Variants in ESRP1 observed in about 807,000 individuals in gnomAD.
The protein encoded by ESRP1 is epithelial splicing regulatory protein 1, also known as RNA-binding motif protein 35A.
ESRP1 carries 33 observed loss-of-function variants against 81.7 expected under a neutral mutation model. The ratio of observed to expected loss-of-function variants is 0.40; its 90% CI spans 0.31 to 0.54. The LOEUF (loss-of-function observed/expected upper bound fraction) is 0.54, where lower values mean the gene tolerates loss of function less well. ESRP1 is among the 20% of genes least tolerant of loss of function. The pLI is 0.41. For missense variants in ESRP1, 672 were observed against 833.1 expected, an observed-to-expected ratio of 0.81 and a Z score of 2.38; for synonymous variants, 320 against 303.3, an observed-to-expected ratio of 1.06 and a Z score of -0.57.
intron 12 of ESRP1, among the ~76,000 whole-genome samples, chr8:94,677,330 T>G (rs953875615): frequency 2.6e-5 from 4 of 152,212 alleles, no homozygotes; most frequent in Admixed American, 2.6e-4. Flanking sequence ...GGACCCCATA[T>G]TCATTCAGCA....
intron 15 of ESRP1, among the ~76,000 whole-genome samples, chr8:94,703,702 A>G (rs1277905324): frequency 2.0e-5 from 3 of 152,126 alleles, no homozygotes; most frequent in Admixed American, 6.6e-5. Flanking sequence ...TGCTCATCCA[A>G]ACTCACTCTC....
intron 12 of ESRP1, 64 bp downstream of exon 12, chr8:94,674,570 T>C (rs1474412150): frequency 1.5e-5 from 22 of 1,460,020 alleles, no homozygotes; most frequent in Non-Finnish European, 2.0e-5. Flanking sequence ...TAAGCTGCTT[T>C]CGTAACTTTC....
intron 13 of ESRP1, chr8:94,688,532 G>T: frequency 4.7e-6 from 1 of 211,846 alleles, no homozygotes; most frequent in South Asian, 7.9e-5. Flanking sequence ...TCATTATACT[G>T]ACAACTTCGG....
intron 4 of ESRP1, among the ~76,000 whole-genome samples, chr8:94,660,537 G>A (rs1461627811): frequency 4.0e-5 from 6 of 150,194 alleles, no homozygotes; most frequent in Admixed American, 4.0e-4. Context: ...TCAGGAGTTC[G>A]AGACCAGCCT....
At chr8:94,700,955 G>GTA (rs1489392410) in intron 15 of ESRP1, among the ~76,000 whole-genome samples, 12 of 38,042 alleles carry the variant, frequency 3.2e-4, no homozygotes, top group Non-Finnish European at 4.8e-4. Flanking sequence ...GTGTGTGTAT[G>GTA]TGTGTGTGTG....
intron 4 of ESRP1, among the ~76,000 whole-genome samples, chr8:94,647,158 T>C (rs913832102): frequency 1.3e-5 from 2 of 152,234 alleles, no homozygotes; most frequent in African/African-American, 4.8e-5. Flanking sequence ...GATTGAAGTT[T>C]GCTCGCATAT....
At chr8:94,663,256 T>A (rs1221087293) in intron 6 of ESRP1, among the ~76,000 whole-genome samples, 1 of 152,180 alleles carries the variant, frequency 6.6e-6, no homozygotes, top group Non-Finnish European at 1.5e-5. Context: ...ATTTATTTAT[T>A]TATTTTAGTT....
chr8:94,692,527 G>A (rs1291510342), intron 13 of ESRP1, 150 bp from the exon 14 acceptor site: 1 of 763,448 alleles, frequency 1.3e-6, no homozygotes, highest in African/African-American at 1.8e-5. Flanking sequence ...AACTGCTGTG[G>A]TGTTTTCACC....
At chr8:94,682,389 T>C (rs1380441261) in intron 13 of ESRP1, among the ~76,000 whole-genome samples, 1 of 152,100 alleles carries the variant, frequency 6.6e-6, no homozygotes, top group African/African-American at 2.4e-5. Context: ...TTTTTTGAGA[T>C]GTAGTCTGGC....
Position 94,671,629 on chromosome 8 carries a change from A to G in ESRP1, c.1410A>G (p.Thr470=), listed in dbSNP as rs553492769. The G allele has an allele frequency of 2.3e-5, 37 of 1,613,946 alleles. No individual in the cohort carries two copies. The African/African-American group carries it at 3.2e-4, about 14-fold the overall frequency. The change falls in exon 11 of 16, where the codon ACA becomes ACG. Residue 470 remains threonine (T), a synonymous_variant. Transcript: ENST00000433389. ...DILDFLGEFA[T]DIRTHGVHMV... is the part of the protein sequence containing the mutation. ...TGGATTTCCTGGGGGAGTTCGCCAC[A>G]GATATTCGTACTCATGGGGTTCACA...
In ESRP1 at chr8:94,665,196, G is replaced by T; in HGVS notation, c.931G>T (p.Gly311Cys). 6.2e-7 allele frequency: 1 copy of T among 1,612,138 alleles called. No individual in the cohort carries two copies. The highest frequency in any genetic ancestry group is 1.1e-5 in the South Asian group (1 of 90,522). Reference sequence around the variant, plus strand: ...TGAAGATTTCCTTAAAATTGCTGGTGGTAAGTGCCTTTTACATAATGTGGC... The same window carrying T: ...TGAAGATTTCCTTAAAATTGCTGGTTGTAAGTGCCTTTTACATAATGTGGC... Reference protein sequence around the residue: ...TGEDFLKIAGGTSNEVAQFLS... With the variant: ...TGEDFLKIAGCTSNEVAQFLS... The change falls in exon 9 of 16, where the codon GGT (glycine) becomes TGT (cysteine). Residue 311 changes from glycine to cysteine, a missense_variant and splice_region_variant. Physicochemically the swap from Gly to Cys is radical, Grantham distance 159. Transcript: ENST00000433389.
intron 13 of ESRP1, among the ~76,000 whole-genome samples, chr8:94,685,142 A>G (rs1050876765): frequency 1.3e-5 from 2 of 152,066 alleles, no homozygotes; most frequent in Non-Finnish European, 2.9e-5. Flanking sequence ...ATTAATTAGT[A>G]TTACCAATGT....
intron 15 of ESRP1, among the ~76,000 whole-genome samples, chr8:94,704,766 G>GAAGA (rs1809991954): frequency 9.2e-6 from 1 of 108,752 alleles, no homozygotes; most frequent in Non-Finnish European, 1.8e-5. Context: ...ATCTCTTTTT[G>GAAGA]AAAAAAAAAA....
chr8:94,687,762 A>C (rs150421523), intron 13 of ESRP1, among the ~76,000 whole-genome samples: 1 of 152,130 alleles, frequency 6.6e-6, no homozygotes. Context: ...ACATTTTTAA[A>C]TTGGATTATT....
rs1245123653 is a variant in ESRP1 at position 94,695,186 on chromosome 8, T to A, written c.1972-1666T>A. Reference sequence around the variant, plus strand: ...ATTTTTTGAAAACTGTTCACTTAAGTGTAATCTGTGTTTACCTAGAGTGCA... The same window carrying A: ...ATTTTTTGAAAACTGTTCACTTAAGAGTAATCTGTGTTTACCTAGAGTGCA... On this transcript the variant is annotated intron_variant, in intron 14 of 15. Transcript: ENST00000433389. 2.0e-5 allele frequency among the ~76,000 whole-genome samples: 3 copies of A among 152,118 alleles called. No individual in the cohort carries two copies. The South Asian group carries it at 6.2e-4, about 31-fold the overall frequency.
chr8:94,674,592 T>C (rs1586219829), intron 12 of ESRP1, 86 bp downstream of exon 12: 4 of 1,279,506 alleles, frequency 3.1e-6, no homozygotes, highest in Non-Finnish European at 4.3e-6. Context: ...GTGCCCCTGG[T>C]TCTTTCTGAG....
At chr8:94,661,782 C>T (rs934279761) in intron 4 of ESRP1, among the ~76,000 whole-genome samples, 5 of 152,084 alleles carry the variant, frequency 3.3e-5, no homozygotes, top group African/African-American at 9.7e-5. Flanking sequence ...AATAGAATTT[C>T]TAAGCAAAAG....
Position 94,696,859 on chromosome 8 carries a change from C to T in ESRP1, c.1979C>T (p.Thr660Ile), listed in dbSNP as rs746129950. The change falls in exon 15 of 16, where the codon ACC (threonine) becomes ATC (isoleucine). Residue 660 changes from threonine (T) to isoleucine (I), a missense_variant. Coordinates refer to ENST00000433389, the MANE Select transcript of ESRP1 (RefSeq NM_017697.4). ...LNFFQGYQYA[T>I]EDGLIHTNDQ... ...TTTTAACTTGCATTTTAGTATGCAA[C>T]CGAGGATGGACTTATACACACAAAT... The T allele has an allele frequency of 1.3e-6, 2 of 1,585,796 alleles. No individual in the cohort carries two copies. The highest frequency in any genetic ancestry group is 1.2e-5 in the South Asian group (1 of 85,548).
intron 3 of ESRP1, among the ~76,000 whole-genome samples, chr8:94,643,851 A>C (rs1006914657): frequency 6.6e-6 from 1 of 152,210 alleles, no homozygotes; most frequent in Non-Finnish European, 1.5e-5. Context: ...TAATATCCTC[A>C]TTTGTGTTGG....
Sources: gnomAD v4.1 joint callset for allele counts (sites outside exome capture counted in the v4.1 genomes callset) on GRCh38, gnomAD v4.1.1 for gene constraint, MANE v1.5 for transcripts, NCBI Gene and HGNC (gene_info 2026-07-23, HGNC 2026-07-21) for gene names.